EVC: variants seen among roughly 807,000 people sequenced by gnomAD.
EVC encodes evC complex member EVC.
Under a neutral mutation model 118.9 loss-of-function variants are expected in EVC, and 116 were observed. The ratio of observed to expected loss-of-function variants is 0.98; its 90% CI spans 0.84 to 1.14. The LOEUF (loss-of-function observed/expected upper bound fraction) is 1.14, where lower values mean the gene tolerates loss of function less well. Ranked by LOEUF, EVC falls within the 50% of genes most tolerant of loss-of-function variation. The probability of loss-of-function intolerance (pLI) is 0.00; values close to 1 mark genes in which losing one functional copy is unlikely to be tolerated. For missense variants in EVC, 1,401 were observed against 1,246.4 expected (o/e 1.12, Z -1.87); for synonymous variants, 619 against 534.7 (o/e 1.16, Z -2.18).
chr4:5,821,635 A>G, the EVC span: 1 of 869,718 alleles, frequency 1.1e-6, no homozygotes, highest in Non-Finnish European at 1.8e-6. The surrounding 1 kb of genome is among the most constrained non-coding windows in gnomAD (Gnocchi z 4.4). Context: ...GGGAAAGAGC[A>G]TCCTTCGACT....
At chr4:5,770,321 G>A (rs924937647) in intron 11 of EVC, among the ~76,000 whole-genome samples, 9 of 152,126 alleles carry the variant, frequency 5.9e-5, no homozygotes, top group South Asian at 2.1e-4. Flanking sequence ...CCTCCCTGCC[G>A]TAAATCACAG....
At chr4:5,714,064 C>CT (rs1723532356) in intron 1 of EVC, among the ~76,000 whole-genome samples, 1 of 152,234 alleles carries the variant, frequency 6.6e-6, no homozygotes, top group Admixed American at 6.5e-5. Flanking sequence ...CCGTACACCT[C>CT]TGCACTTCTG....
At chr4:5,727,646 A>T (rs201571593) in intron 2 of EVC, among the ~76,000 whole-genome samples, 1 of 150,836 alleles carries the variant, frequency 6.6e-6, no homozygotes, top group African/African-American at 2.4e-5. Context: ...AAGTCCTTGC[A>T]CATGCCTATG....
At position 5,813,077 on chromosome 4, in the gene EVC, G is replaced by T. The variant is rs1015195625; in HGVS notation, c.*2040G>T. 6.6e-6 allele frequency: 1 copy of T among 152,182 alleles called. No individual in the cohort carries two copies. Among genetic ancestry groups the T allele is most frequent in the Non-Finnish European group, 1.5e-5 (1 of 68,046 alleles). The allele number at this position is 152,182 out of a possible 1,614,324, so 9.4% of individuals were successfully genotyped here. On this transcript the variant is annotated 3_prime_UTR_variant, in exon 21 of 21. Transcript: ENST00000264956. ...GTGGCCAAAACTTAATCATCAGAGC[G>T]CTTCCTTCAGTTCCTCACCCATCAG...
intron 2 of EVC, 29 bp from the exon 3 acceptor site, chr4:5,729,278 C>T (rs1370716550): frequency 6.2e-7 from 1 of 1,608,564 alleles, no homozygotes; most frequent in East Asian, 2.2e-5. Flanking sequence ...CAGAAAGTTT[C>T]CCATGCCGTT....
intron 2 of EVC, among the ~76,000 whole-genome samples, chr4:5,727,181 CCCA>C (rs1212026580): frequency 1.3e-5 from 2 of 151,968 alleles, no homozygotes; most frequent in East Asian, 3.9e-4. Flanking sequence ...AGTTTACAGT[CCCA>C]CCAACAGTGT....
the EVC span, chr4:5,825,582 T>G: frequency 6.2e-7 from 1 of 1,602,202 alleles, no homozygotes; most frequent in Non-Finnish European, 8.5e-7. This position sits in a 1 kb window ranked among gnomAD's most constrained non-coding sequence, Gnocchi z 4.4. Flanking sequence ...GAGCGGGAGT[T>G]GCATATTTGG....
At chr4:5,827,685 T>G in the EVC span, among the ~76,000 whole-genome samples, 1 of 151,552 alleles carries the variant, frequency 6.6e-6, no homozygotes, top group African/African-American at 2.4e-5. Flanking sequence ...CGTGCATGCA[T>G]GTACACATGC....
chr4:5,757,665 G>A (rs952799886), intron 11 of EVC, among the ~76,000 whole-genome samples: 1 of 152,208 alleles, frequency 6.6e-6, no homozygotes, highest in African/African-American at 2.4e-5. Flanking sequence ...GGGAGAGAAT[G>A]AAAGAGAGGG....
At chr4:5,761,914 AATT>A (rs1732093880) in intron 11 of EVC, among the ~76,000 whole-genome samples, 1 of 150,616 alleles carries the variant, frequency 6.6e-6, no homozygotes, top group Non-Finnish European at 1.5e-5. Flanking sequence ...TTTTTTTTTT[AATT>A]ATTATTTAAG....
intron 2 of EVC, among the ~76,000 whole-genome samples, chr4:5,726,341 T>C (rs1725808381): frequency 6.6e-6 from 1 of 152,122 alleles, no homozygotes; most frequent in Admixed American, 6.6e-5. Context: ...CACTATCCGG[T>C]TGTTTCCAAA....
At chr4:5,727,630 G>A (rs903927020) in intron 2 of EVC, among the ~76,000 whole-genome samples, 5 of 151,476 alleles carry the variant, frequency 3.3e-5, no homozygotes, top group African/African-American at 1.2e-4. Flanking sequence ...TGGTGTTTTA[G>A]ACATGAAGTC....
Position 5,731,325 on chromosome 4 carries a change from C to A in EVC, c.385-100C>A. On this transcript the variant is annotated intron_variant, in intron 3 of 20. Transcript: ENST00000264956. This position sits in a 1 kb window ranked among gnomAD's most constrained non-coding sequence, Gnocchi z 5.6. The stretch of plus-strand genomic sequence containing the variant: ...GGCCAGTCTCCTCCAGGCAGACCTT[C>A]CTGTGAGCGGCTAGCGTGAATCACT... 9.5e-7 allele frequency: 1 copy of A among 1,053,432 alleles called. No homozygotes were observed. The highest frequency in any genetic ancestry group is 1.5e-6 in the Non-Finnish European group (1 of 669,898). The allele number at this position is 1,053,432 out of a possible 1,614,324, so 65.3% of individuals were successfully genotyped here. A position where few individuals can be genotyped will look rare whatever the true frequency, so the allele number is the denominator to read the frequency against.
intron 2 of EVC, among the ~76,000 whole-genome samples, chr4:5,725,682 T>A (rs1185205176): frequency 5.3e-5 from 8 of 152,232 alleles, no homozygotes; most frequent in Non-Finnish European, 1.0e-4. Context: ...TCTTACACTC[T>A]GATGATAGTT....
intron 13 of EVC, among the ~76,000 whole-genome samples, chr4:5,794,325 TTA>T (rs773787950): frequency 7.4e-6 from 1 of 135,260 alleles, no homozygotes; most frequent in Admixed American, 7.9e-5. Flanking sequence ...TTATATATAT[TTA>T]TATATATTTA....
At chr4:5,793,521 A>G (rs968558064) in intron 12 of EVC, 87 bp from the exon 13 acceptor site, 2 of 1,160,440 alleles carry the variant, frequency 1.7e-6, no homozygotes, top group Non-Finnish European at 1.3e-6. Flanking sequence ...ACGCACACAA[A>G]CAAGAAACAA....
At chr4:5,753,536 C>T (rs1024300040) in intron 9 of EVC, among the ~76,000 whole-genome samples, 7 of 152,160 alleles carry the variant, frequency 4.6e-5, no homozygotes, top group Middle Eastern at 3.4e-3. Context: ...CACACATGCT[C>T]CTGCCCCAAG....
intron 1 of EVC, among the ~76,000 whole-genome samples, chr4:5,718,204 C>G (rs1724305250): frequency 1.3e-5 from 2 of 152,144 alleles, no homozygotes; most frequent in African/African-American, 4.8e-5. Context: ...ACCGTTGTTC[C>G]TGGGGGGAAA....
intron 15 of EVC, among the ~76,000 whole-genome samples, chr4:5,799,341 G>A (rs186244695): frequency 1.7e-3 from 258 of 152,292 alleles, no homozygotes; most frequent in African/African-American, 5.7e-3. Flanking sequence ...TCACATTAGC[G>A]TTGCACTTAA....
Sources: allele counts gnomAD v4.1 joint callset (sites outside exome capture counted in the v4.1 genomes callset), GRCh38; gene constraint gnomAD v4.1.1; non-coding constraint Gnocchi (gnomAD v3.1); transcripts MANE v1.5; gene names NCBI Gene and HGNC (gene_info 2026-07-23, HGNC 2026-07-21).